Variants in SYT1 observed in about 807,000 individuals in gnomAD.
SYT1 encodes synaptotagmin-1.
In SYT1, 8 loss-of-function variants were observed where a neutral mutation model predicts 44.8. That is an observed-to-expected ratio of 0.18 (90% CI 0.10 to 0.32). The LOEUF (loss-of-function observed/expected upper bound fraction) is 0.32. Ranked by LOEUF, SYT1 falls within the 10% of genes least tolerant of loss-of-function variation. The pLI is 1.00. For synonymous variants in SYT1, 154 were observed against 188.8 expected, an observed-to-expected ratio of 0.82 and a Z score of 1.51; for missense variants, 286 against 509.3, an observed-to-expected ratio of 0.56 and a Z score of 4.22.
chr12:79,224,456 T>C lies in SYT1; in HGVS notation c.166+6771T>C, dbSNP rs372913826. Among the ~76,000 whole-genome samples the C allele has an allele frequency of 8.1e-4, 123 of 152,228 alleles. 1 individual carries two copies. In the East Asian group the frequency reaches 0.018, roughly 22 times the overall value. On this transcript the variant is annotated intron_variant, in intron 4 of 10. Coordinates refer to ENST00000261205, the MANE Select transcript of SYT1 (RefSeq NM_005639.3). ...GGCTGGTTTCCTTCATAAGGAGATC[T>C]GAAGGAAGTGGAGGAGAAGCTATCA...
At chr12:79,232,113 T>G (rs1234609118) in intron 4 of SYT1, among the ~76,000 whole-genome samples, 1 of 152,198 alleles carries the variant, frequency 6.6e-6, no homozygotes, top group African/African-American at 2.4e-5. Context: ...TGGGAAGGTG[T>G]GAGCAGTAAA....
intron 2 of SYT1, among the ~76,000 whole-genome samples, chr12:79,006,513 A>G (rs1051518021): frequency 2.0e-5 from 3 of 151,982 alleles, no homozygotes; most frequent in African/African-American, 7.3e-5. Context: ...TGATGATGAT[A>G]TATATTTGGC....
intron 3 of SYT1, among the ~76,000 whole-genome samples, chr12:79,110,821 T>C (rs1878970912): frequency 6.6e-6 from 1 of 152,188 alleles, no homozygotes. Flanking sequence ...GTTGAACTCT[T>C]ACCAAGTACG....
At chr12:79,293,310 C>T (rs75971007) in intron 6 of SYT1, among the ~76,000 whole-genome samples, 1 of 146,814 alleles carries the variant, frequency 6.8e-6, no homozygotes, top group Non-Finnish European at 1.5e-5. Flanking sequence ...GGCGACAGAG[C>T]GAGACTCCAT....
At chr12:78,968,770 T>C (rs1259200933) in intron 1 of SYT1, among the ~76,000 whole-genome samples, 1 of 152,110 alleles carries the variant, frequency 6.6e-6, no homozygotes, top group Non-Finnish European at 1.5e-5. Context: ...TCAGTAATAT[T>C]TTAGCAGACA....
chr12:79,190,279 C>T (rs981578403), intron 3 of SYT1, among the ~76,000 whole-genome samples: 2 of 152,122 alleles, frequency 1.3e-5, no homozygotes, highest in South Asian at 4.1e-4. Flanking sequence ...TGTTACTCCC[C>T]TACCTTCTTT....
At chr12:79,199,135 T>A (rs1472855793) in intron 3 of SYT1, among the ~76,000 whole-genome samples, 1 of 152,158 alleles carries the variant, frequency 6.6e-6, no homozygotes, top group East Asian at 1.9e-4. Flanking sequence ...GTTCTTTTTA[T>A]CCTCTTTAAT....
At chr12:79,370,125 A>G (rs575224292) in intron 9 of SYT1, among the ~76,000 whole-genome samples, 2 of 152,306 alleles carry the variant, frequency 1.3e-5, no homozygotes, top group Admixed American at 6.5e-5. Context: ...CAGAGTTCCT[A>G]TACTCTATGC....
intron 1 of SYT1, among the ~76,000 whole-genome samples, chr12:78,928,445 A>G (rs1877426325): frequency 6.6e-6 from 1 of 152,306 alleles, no homozygotes; most frequent in Admixed American, 6.5e-5. Context: ...TACCATAGAC[A>G]TTAGCAACCT....
intron 3 of SYT1, among the ~76,000 whole-genome samples, chr12:79,158,744 A>G (rs1678635387): frequency 6.6e-6 from 1 of 152,074 alleles, no homozygotes; most frequent in Non-Finnish European, 1.5e-5. Context: ...CAAAAAATAC[A>G]AAAATATCTG....
In SYT1 at chr12:79,429,118, G is replaced by A. The variant is rs370027368; in HGVS notation, c.929-14955G>A. ...CCATGACCAAAACACCTCCCACTGG[G>A]ACCCACCTCCAGCATTGGGGATTAA... On this transcript the variant is annotated intron_variant, in intron 9 of 10. Coordinates refer to ENST00000261205, the MANE Select transcript of SYT1 (RefSeq NM_005639.3). 4.3e-4 allele frequency among the ~76,000 whole-genome samples: 66 copies of A among 152,286 alleles called. No homozygotes were observed. The South Asian group carries it at 0.013, about 31-fold the overall frequency.
At chr12:79,392,192 G>T (rs1436807015) in intron 9 of SYT1, 2 of 151,968 alleles carry the variant, frequency 1.3e-5, no homozygotes, top group African/African-American at 4.8e-5. Context: ...TCCTAAATAG[G>T]CAAGTTTCCA....
At chr12:78,947,182 T>G (rs1256496964) in intron 1 of SYT1, among the ~76,000 whole-genome samples, 1 of 152,236 alleles carries the variant, frequency 6.6e-6, no homozygotes, top group Non-Finnish European at 1.5e-5. Flanking sequence ...TTGCTTCCTG[T>G]TCTCACAGAA....
chr12:79,243,907 A>AGGAAGGAAGGAG (rs1876667056), intron 4 of SYT1, among the ~76,000 whole-genome samples: 1 of 151,508 alleles, frequency 6.6e-6, no homozygotes, highest in Non-Finnish European at 1.5e-5. Flanking sequence ...GAAGGAAGGA[A>AGGAAGGAAGGAG]GGAAGGAAAT....
intron 9 of SYT1, among the ~76,000 whole-genome samples, chr12:79,355,727 C>T (rs551076575): frequency 2.6e-5 from 4 of 152,338 alleles, no homozygotes; most frequent in Admixed American, 2.6e-4. Flanking sequence ...CTGGAATTCT[C>T]TTCCTTCCAA....
At chr12:79,301,608 C>G (rs1880155189) in intron 8 of SYT1, among the ~76,000 whole-genome samples, 1 of 152,064 alleles carries the variant, frequency 6.6e-6, no homozygotes, top group Non-Finnish European at 1.5e-5. Context: ...AGTGAGAGGT[C>G]TCTCATACCT....
At chr12:79,351,945 A>G (rs772083252) in intron 8 of SYT1, among the ~76,000 whole-genome samples, 1 of 152,168 alleles carries the variant, frequency 6.6e-6, no homozygotes, top group Non-Finnish European at 1.5e-5. Context: ...TGGGAGAATT[A>G]AGACATATAC....
intron 3 of SYT1, among the ~76,000 whole-genome samples, chr12:79,176,513 C>T (rs1871877691): frequency 6.6e-6 from 1 of 151,956 alleles, no homozygotes; most frequent in Admixed American, 6.6e-5. Context: ...TGTTGATATT[C>T]ATTTGTCAAT....
At chr12:79,300,824 T>TATATATATATATATATATATATA (rs1565897853) in intron 8 of SYT1, among the ~76,000 whole-genome samples, 11 of 138,610 alleles carry the variant, frequency 7.9e-5, no homozygotes, top group South Asian at 4.5e-4. Context: ...TATATATATA[T>TATATATATATATATATATATATA]TTACTGTCTC....
Sources: allele counts gnomAD v4.1 joint callset (sites outside exome capture counted in the v4.1 genomes callset), GRCh38; gene constraint gnomAD v4.1.1; transcripts MANE v1.5; gene names NCBI Gene and HGNC (gene_info 2026-07-23, HGNC 2026-07-21).